The following THSD7B variants were observed in gnomAD, a reference collection of about 807,000 sequenced individuals.
The protein encoded by THSD7B is thrombospondin type 1 domain containing 7B, also known as thrombospondin type-1 domain-containing protein 7B.
A neutral mutation model predicts 213.6 loss-of-function variants in THSD7B; 138 were observed. That is an observed-to-expected ratio of 0.65 (90% CI 0.56 to 0.74). The LOEUF (loss-of-function observed/expected upper bound fraction) is 0.74. Ranked by LOEUF, THSD7B falls within the 30% of genes least tolerant of loss-of-function variation. The pLI is 0.00. For synonymous variants in THSD7B, 742 were observed against 687.0 expected (o/e 1.08, Z -1.25); for missense variants, 1,931 against 1,991.5 (o/e 0.97, Z 0.58).
chr2:136,916,342 G>T (rs575961334), intron 2 of THSD7B, among the ~76,000 whole-genome samples: 1 of 152,264 alleles, frequency 6.6e-6, no homozygotes, highest in East Asian at 1.9e-4. Context: ...GAAAGGACTT[G>T]GTGGCTTCAT....
At chr2:137,631,095 T>C (rs6745457) in intron 20 of THSD7B, among the ~76,000 whole-genome samples, 57,685 of 151,998 alleles carry the variant, frequency 0.38, 12,945 homozygotes, top group African/African-American at 0.63. Flanking sequence ...CTTTAATGTA[T>C]ACCTGATGCT....
chr2:136,940,523 C>G (rs1250819729), intron 2 of THSD7B, among the ~76,000 whole-genome samples: 1 of 151,384 alleles, frequency 6.6e-6, no homozygotes, highest in Non-Finnish European at 1.5e-5. Context: ...TCCCGAGTTG[C>G]TAGGACTATA....
chr2:137,453,619 G>A (rs1687700861), intron 15 of THSD7B, among the ~76,000 whole-genome samples: 4 of 152,010 alleles, frequency 2.6e-5, no homozygotes, highest in Admixed American at 2.6e-4. Context: ...GTGAGCTACT[G>A]CACCTGGCTT....
In THSD7B at chr2:137,489,959, C is replaced by T. The variant is rs144833951; in HGVS notation, c.3138+38936C>T. Among the ~76,000 whole-genome samples, 680 of 152,222 alleles carry T rather than the reference C, an allele frequency of 4.5e-3. 5 individuals carry two copies. The highest frequency in any genetic ancestry group is 4.5e-3 in the Non-Finnish European group (303 of 68,016). ...GTGTCACGTAGAGAAAACACTTGAG[C>T]AACTCAAGAACAATAGATATTCATT... On this transcript the variant is annotated intron_variant, in intron 15 of 27. Coordinates refer to ENST00000409968, the MANE Select transcript of THSD7B (RefSeq NM_001316349.2).
chr2:137,081,109 A>G (rs942184246), intron 3 of THSD7B, among the ~76,000 whole-genome samples: 3 of 151,962 alleles, frequency 2.0e-5, no homozygotes, highest in Admixed American at 6.6e-5. Flanking sequence ...AAAATTGTCT[A>G]TTTTCCTGAG....
intron 15 of THSD7B, among the ~76,000 whole-genome samples, chr2:137,484,225 G>A (rs1348743066): frequency 6.9e-6 from 1 of 144,448 alleles, no homozygotes; most frequent in African/African-American, 2.6e-5. Flanking sequence ...CTGTGTCCAT[G>A]TGTTCTTATT....
intron 2 of THSD7B, among the ~76,000 whole-genome samples, chr2:136,944,633 A>G (rs1006177381): frequency 6.6e-6 from 1 of 150,768 alleles, no homozygotes; most frequent in Non-Finnish European, 1.5e-5. Flanking sequence ...CTTTACCATT[A>G]TGTAATGGCC....
At chr2:137,408,445 T>G (rs1686577710) in intron 13 of THSD7B, among the ~76,000 whole-genome samples, 1 of 152,168 alleles carries the variant, frequency 6.6e-6, no homozygotes, top group South Asian at 2.1e-4. Flanking sequence ...AGGGAATCAG[T>G]AGACACGATC....
At chr2:137,023,477 A>T (rs761554031) in intron 2 of THSD7B, among the ~76,000 whole-genome samples, 40 of 152,166 alleles carry the variant, frequency 2.6e-4, no homozygotes, top group Admixed American at 3.9e-4. Context: ...GAGCCTGGGA[A>T]GCATAGGGAA....
At chr2:137,343,325 C>A (rs1035668152) in intron 12 of THSD7B, among the ~76,000 whole-genome samples, 3 of 151,474 alleles carry the variant, frequency 2.0e-5, no homozygotes, top group Non-Finnish European at 3.0e-5. Flanking sequence ...TTAGTCTGTT[C>A]AAATTTTCTG....
intron 26 of THSD7B, among the ~76,000 whole-genome samples, chr2:137,667,042 C>T (rs1224421667): frequency 6.6e-6 from 1 of 152,038 alleles, no homozygotes; most frequent in Non-Finnish European, 1.5e-5. Flanking sequence ...TAAAAATGGT[C>T]ATAGTAGTTT....
intron 17 of THSD7B, among the ~76,000 whole-genome samples, chr2:137,598,602 C>T (rs865860728): frequency 1.1e-4 from 17 of 152,168 alleles, no homozygotes; most frequent in Non-Finnish European, 2.9e-5. Flanking sequence ...AAGGGTTACA[C>T]GTTTCCCTAT....
chr2:137,106,391 TAACTC>T (rs1573826536), intron 4 of THSD7B, among the ~76,000 whole-genome samples: 1 of 152,122 alleles, frequency 6.6e-6, no homozygotes, highest in Non-Finnish European at 1.5e-5. Flanking sequence ...ATACAAAAAT[TAACTC>T]AAGATGGATT....
intron 1 of THSD7B, among the ~76,000 whole-genome samples, chr2:136,832,201 G>GTGTGTGTGTGTGTGTGTGTGTA (rs66731773): frequency 6.8e-6 from 1 of 146,406 alleles, no homozygotes; most frequent in Non-Finnish European, 1.5e-5. Context: ...GTGTGTGTGT[G>GTGTGTGTGTGTGTGTGTGTGTA]TATACACACA....
At chr2:137,047,264 G>A (rs538483789) in intron 2 of THSD7B, among the ~76,000 whole-genome samples, 4 of 152,264 alleles carry the variant, frequency 2.6e-5, no homozygotes, top group Middle Eastern at 3.4e-3. Context: ...AGAGCTGGTG[G>A]GTGATTGAAT....
intron 12 of THSD7B, among the ~76,000 whole-genome samples, chr2:137,337,613 A>G (rs955664690): frequency 7.2e-5 from 11 of 152,072 alleles, no homozygotes; most frequent in Admixed American, 6.5e-4. Flanking sequence ...GTTTCTTATC[A>G]TTCTTTTACT....
chr2:137,363,503 A>T (rs527700114), intron 12 of THSD7B, among the ~76,000 whole-genome samples: 1 of 152,150 alleles, frequency 6.6e-6, no homozygotes, highest in Non-Finnish European at 1.5e-5. Flanking sequence ...AGACTAATAA[A>T]GAAGAAAAGA....
chr2:137,553,187 C>T (rs1237876161), intron 15 of THSD7B, among the ~76,000 whole-genome samples: 1 of 152,106 alleles, frequency 6.6e-6, no homozygotes, highest in East Asian at 1.9e-4. Flanking sequence ...ACACAATGCC[C>T]AGCATGGAGG....
At chr2:137,283,545 T>C (rs1322127513) in intron 12 of THSD7B, among the ~76,000 whole-genome samples, 2 of 152,200 alleles carry the variant, frequency 1.3e-5, no homozygotes, top group East Asian at 3.8e-4. Context: ...TTGTCATAGA[T>C]AGCTCTTATT....
Sources: gnomAD v4.1 joint callset for allele counts (sites outside exome capture counted in the v4.1 genomes callset) on GRCh38, gnomAD v4.1.1 for gene constraint, MANE v1.5 for transcripts, NCBI Gene and HGNC (gene_info 2026-07-23, HGNC 2026-07-21) for gene names.